DNAH7: variants seen among roughly 807,000 people sequenced by gnomAD.
The protein encoded by DNAH7 is dynein axonemal heavy chain 7.
DNAH7 carries 397 observed loss-of-function variants against 444.6 expected under a neutral mutation model. The observed-to-expected ratio is 0.89, with a 90% CI of 0.82 to 0.97. The LOEUF is 0.97. Among genes scored for constraint, DNAH7 ranks in the 50% least tolerant of loss-of-function variants. The probability of loss-of-function intolerance (pLI) is 0.00; values close to 1 mark genes in which losing one functional copy is unlikely to be tolerated. For synonymous variants in DNAH7, 1,636 were observed against 1,624.4 expected (o/e 1.01, Z -0.17); for missense variants, 4,902 against 4,800.8 (o/e 1.02, Z -0.62).
intron 60 of DNAH7, among the ~76,000 whole-genome samples, chr2:195,772,874 G>A (rs1271695883): frequency 2.7e-5 from 4 of 149,714 alleles, no homozygotes; most frequent in African/African-American, 7.4e-5. Context: ...TCTGCCTCCC[G>A]GGTTCAAGCA....
chr2:195,879,992 C>T (rs1264139559), intron 36 of DNAH7, among the ~76,000 whole-genome samples: 1 of 152,068 alleles, frequency 6.6e-6, no homozygotes, highest in Non-Finnish European at 1.5e-5. Context: ...TTTTAACTTA[C>T]ATTTTTAGGT....
intron 10 of DNAH7, among the ~76,000 whole-genome samples, chr2:196,002,127 T>C (rs1694073625): frequency 6.6e-6 from 1 of 152,194 alleles, no homozygotes; most frequent in Non-Finnish European, 1.5e-5. Context: ...CTCCTGACTT[T>C]TTAAAGAAAT....
At chr2:195,774,737 T>C (rs992113864) in intron 60 of DNAH7, among the ~76,000 whole-genome samples, 1 of 152,228 alleles carries the variant, frequency 6.6e-6, no homozygotes, top group Non-Finnish European at 1.5e-5. Flanking sequence ...GTCATTAGCA[T>C]TGCATTGTTA....
intron 28 of DNAH7, among the ~76,000 whole-genome samples, chr2:195,898,568 C>T (rs1019939599): frequency 5.3e-5 from 8 of 152,054 alleles, no homozygotes; most frequent in African/African-American, 1.4e-4. Flanking sequence ...ATAACAGTAA[C>T]GTGTCCAAGC....
At chr2:195,899,064 T>C (rs396852) in intron 28 of DNAH7, among the ~76,000 whole-genome samples, 23 of 152,352 alleles carry the variant, frequency 1.5e-4, no homozygotes, top group African/African-American at 5.3e-4. Flanking sequence ...ACAAAGTGTG[T>C]GATGCCTAGC....
Position 195,862,216 on chromosome 2 carries a change from G to C in DNAH7, c.7507-270C>G, listed in dbSNP as rs555730125. Among the ~76,000 whole-genome samples the C allele has an allele frequency of 4.6e-5, 7 of 152,220 alleles. No homozygotes were observed. In the East Asian group the frequency reaches 1.2e-3, roughly 25 times the overall value. On this transcript the variant is annotated intron_variant, in intron 41 of 64. Coordinates refer to ENST00000312428, the MANE Select transcript of DNAH7 (RefSeq NM_018897.3). ...CATGAGTGTTGCAGGAGAAAGGAAA[G>C]GCAAATGAACTAAATTTATGGAATG...
intron 46 of DNAH7, among the ~76,000 whole-genome samples, chr2:195,847,026 C>T (rs1015982343): frequency 7.5e-5 from 11 of 147,466 alleles, no homozygotes; most frequent in African/African-American, 2.3e-4. Context: ...TTAGTTCTGT[C>T]CCTCTAGTAG....
chr2:196,016,573 A>G lies in DNAH7; in HGVS notation c.869+2597T>C, dbSNP rs147121553. On this transcript the variant is annotated intron_variant, in intron 9 of 64. Transcript: ENST00000312428. ...AAGCCAGTTTTAAGGATCCTAGCCC[A>G]TTCTCTGAAGTCAGCAGAGGCCCCT... Among the ~76,000 whole-genome samples, 111 of 152,330 alleles carry G rather than the reference A, an allele frequency of 7.3e-4. 2 individuals carry two copies. In the East Asian group the frequency reaches 0.017, roughly 23 times the overall value.
At chr2:195,959,835 C>A (rs1015398094) in intron 18 of DNAH7, among the ~76,000 whole-genome samples, 13 of 152,282 alleles carry the variant, frequency 8.5e-5, no homozygotes, top group Admixed American at 7.8e-4. Context: ...AGATATTCAG[C>A]AATCTTCTAT....
chr2:195,936,706 T>C lies in DNAH7; in HGVS notation c.3165A>G (p.Lys1055=), dbSNP rs577054962. The part of the protein sequence containing the change: ...KSNELLELIL[K]GLNEYLEKKR... ...TCTTTTCCAAATATTCATTAAGTCCTTTAAGAATGAGCTCCAAAAGTTCAT... is the reference window on the plus strand; with the variant it reads ...TCTTTTCCAAATATTCATTAAGTCCCTTAAGAATGAGCTCCAAAAGTTCAT... Residue 1055 remains lysine, a synonymous_variant, in exon 20 of 65, where the codon AAA becomes AAG. Coordinates refer to ENST00000312428, the MANE Select transcript of DNAH7 (RefSeq NM_018897.3). 6.2e-7 allele frequency: 1 copy of C among 1,605,388 alleles called. No individual in the cohort carries two copies. The highest frequency in any genetic ancestry group is 1.1e-5 in the South Asian group (1 of 88,210).
At chr2:195,918,611 A>G (rs1037918183) in intron 24 of DNAH7, among the ~76,000 whole-genome samples, 16 of 152,260 alleles carry the variant, frequency 1.1e-4, no homozygotes, top group African/African-American at 3.6e-4. Flanking sequence ...TCAAGCTGCA[A>G]AAAGACATGG....
At chr2:196,002,481 A>C (rs1694099068) in intron 10 of DNAH7, among the ~76,000 whole-genome samples, 1 of 152,224 alleles carries the variant, frequency 6.6e-6, no homozygotes, top group Non-Finnish European at 1.5e-5. Flanking sequence ...AATGATGATA[A>C]TAAGCAAAGT....
chr2:195,944,970 A>G (rs775827921), intron 19 of DNAH7, among the ~76,000 whole-genome samples: 6 of 151,932 alleles, frequency 3.9e-5, no homozygotes, highest in Non-Finnish European at 5.9e-5. Flanking sequence ...CAGATTGTTC[A>G]TTCTGGAAGT....
chr2:195,909,856 T>C (rs1362388365), intron 25 of DNAH7, among the ~76,000 whole-genome samples, 171 bp downstream of exon 25: 1 of 152,184 alleles, frequency 6.6e-6, no homozygotes, highest in African/African-American at 2.4e-5. Context: ...TCTCTGCAAA[T>C]AGGGTTTTGC....
chr2:195,925,632 TC>T, intron 22 of DNAH7, among the ~76,000 whole-genome samples: 1 of 152,196 alleles, frequency 6.6e-6, no homozygotes, highest in Non-Finnish European at 1.5e-5. Flanking sequence ...CATGTGTCAC[TC>T]AGTCCCTTAC....
At chr2:195,846,944 CAT>C (rs201998978) in intron 46 of DNAH7, among the ~76,000 whole-genome samples, 25 of 115,180 alleles carry the variant, frequency 2.2e-4, no homozygotes, top group East Asian at 8.6e-4. Flanking sequence ...AATAAACTCC[CAT>C]ATATGTGTGT....
At chr2:195,889,291 C>T (rs1195985895) in intron 31 of DNAH7, among the ~76,000 whole-genome samples, 1 of 151,110 alleles carries the variant, frequency 6.6e-6, no homozygotes, top group African/African-American at 2.4e-5. Flanking sequence ...CCCTTCCTTC[C>T]ATCCATCCTT....
chr2:195,809,913 C>G (rs781763982), intron 51 of DNAH7, 42 bp from the exon 52 acceptor site: 1 of 1,416,962 alleles, frequency 7.1e-7, no homozygotes. Flanking sequence ...TAAAAATATA[C>G]TTTAAAGATA....
intron 49 of DNAH7, among the ~76,000 whole-genome samples, chr2:195,821,127 ACAAG>A (rs1697448413): frequency 1.3e-5 from 2 of 151,924 alleles, no homozygotes; most frequent in Admixed American, 6.6e-5. Context: ...CCTCCTAAAG[ACAAG>A]CAGTGTTTTA....
Sources: allele counts gnomAD v4.1 joint callset (sites outside exome capture counted in the v4.1 genomes callset), GRCh38; gene constraint gnomAD v4.1.1; transcripts MANE v1.5; gene names NCBI Gene and HGNC (gene_info 2026-07-23, HGNC 2026-07-21).